The following ARRB1 variants were observed in gnomAD, a reference collection of about 807,000 sequenced individuals.
ARRB1 encodes arrestin beta 1, also known as beta-arrestin-1.
In ARRB1, 21 loss-of-function variants were observed where a neutral mutation model predicts 56.8. The ratio of observed to expected loss-of-function variants is 0.37; its 90% confidence interval spans 0.26 to 0.53. The LOEUF (loss-of-function observed/expected upper bound fraction) is 0.53, where lower values mean the gene tolerates loss of function less well. Ranked by LOEUF, ARRB1 falls within the 20% of genes least tolerant of loss-of-function variation. ARRB1 has a pLI of 0.88. For missense variants in ARRB1, 424 were observed against 553.7 expected (o/e 0.77, Z 2.35); for synonymous variants, 210 against 218.6 (o/e 0.96, Z 0.35).
At chr11:75,271,557 T>C in intron 13 of ARRB1, 144 bp downstream of exon 13, 1 of 875,168 alleles carries the variant, frequency 1.1e-6, no homozygotes, top group Non-Finnish European at 1.7e-6. Context: ...AAATTGTGTC[T>C]CCCAGCTCAC....
rs1451411426 is a variant in ARRB1 at position 75,290,043 on chromosome 11, T to C, written c.21-4A>G. ...TGGACTGGCCTTCTTGAACACTCTG[T>C]GGAGAGAAAGAGAGGTCAGGCCAGG... On this transcript the variant is annotated splice_region_variant and splice_polypyrimidine_tract_variant and intron_variant, in intron 1 of 15. Transcript: ENST00000420843. 2 of 1,614,102 alleles carry C rather than the reference T, an allele frequency of 1.2e-6. No individual in the cohort carries two copies. The highest frequency in any genetic ancestry group is 2.2e-5 in the East Asian group (1 of 44,870).
intron 1 of ARRB1, among the ~76,000 whole-genome samples, chr11:75,326,989 G>A (rs1947445641): frequency 6.6e-6 from 1 of 151,332 alleles, no homozygotes; most frequent in African/African-American, 2.4e-5. Context: ...TTACAGGCAT[G>A]AGCCACCATG....
At chr11:75,303,618 CG>C (rs1591950945) in intron 1 of ARRB1, 1 of 456,310 alleles carries the variant, frequency 2.2e-6, no homozygotes, top group East Asian at 6.9e-5. Flanking sequence ...GTACAGGCCC[CG>C]GTGTCGGTGT....
chr11:75,349,352 G>A (rs560563556), intron 1 of ARRB1, among the ~76,000 whole-genome samples: 30 of 152,298 alleles, frequency 2.0e-4, no homozygotes, highest in Non-Finnish European at 2.2e-4. Context: ...GGAAACTAAC[G>A]TCCGGAAAAG....
intron 14 of ARRB1, 110 bp downstream of exon 14, chr11:75,268,776 GACC>G (rs913179495): frequency 1.8e-6 from 2 of 1,139,196 alleles, no homozygotes; most frequent in Non-Finnish European, 2.5e-6. Flanking sequence ...AAGATCTGGG[GACC>G]CGAGAAAAGG....
chr11:75,281,472 C>A, intron 6 of ARRB1: 1 of 421,318 alleles, frequency 2.4e-6, no homozygotes, highest in South Asian at 3.2e-5. Flanking sequence ...GCGCCTACTA[C>A]TGTGTGCACA....
rs74719091 is a variant in ARRB1 at position 75,333,745 on chromosome 11, G to A, written c.20+17843C>T. ...GGTCACAGGCATAACAAGCAGTAGG[G>A]GTGGGATCTGAAACCTAGCCGGACA... On this transcript the variant is annotated intron_variant, in intron 1 of 15. Transcript: ENST00000420843. 2.4e-3 allele frequency among the ~76,000 whole-genome samples: 361 copies of A among 152,264 alleles called. 1 individual carries two copies. In the East Asian group the frequency reaches 0.041, roughly 17 times the overall value.
chr11:75,317,014 C>T (rs538107852), intron 1 of ARRB1, among the ~76,000 whole-genome samples: 469 of 152,128 alleles, frequency 3.1e-3, no homozygotes, highest in Non-Finnish European at 3.6e-3. Flanking sequence ...TGCAGTCAGC[C>T]GAGATCGAGC....
At chr11:75,314,396 G>A (rs1205783379) in intron 1 of ARRB1, among the ~76,000 whole-genome samples, 6 of 152,236 alleles carry the variant, frequency 3.9e-5, no homozygotes, top group Non-Finnish European at 7.3e-5. Flanking sequence ...CAGAAATGCA[G>A]ACCCCAGGAC....
At chr11:75,344,001 G>A (rs1947730944) in intron 1 of ARRB1, among the ~76,000 whole-genome samples, 2 of 152,076 alleles carry the variant, frequency 1.3e-5, no homozygotes, top group South Asian at 4.2e-4. Context: ...ATTTTTAGTA[G>A]AGACAAGGTT....
At position 75,262,545 on chromosome 11, in the gene ARRB1, G is replaced by A. The variant is rs1945819526; in HGVS notation, c.*3618C>T. The A allele has an allele frequency of 6.6e-6, 1 of 152,258 alleles. No individual in the cohort carries two copies. Among genetic ancestry groups the A allele is most frequent in the African/African-American group, 2.4e-5 (1 of 41,454 alleles). The allele number at this position is 152,258 out of a possible 1,614,324, so 9.4% of individuals were successfully genotyped here. A position where few individuals can be genotyped will look rare whatever the true frequency, so the allele number is the denominator to read the frequency against. ...GCTCCTCCTGCAGCAAACTTTCTGT[G>A]TGACCTTGGGCCATCCCTGCAGTGG... is the stretch of plus-strand genomic sequence containing the variant. On this transcript the variant is annotated 3_prime_UTR_variant, in exon 16 of 16. Coordinates refer to ENST00000420843, the MANE Select transcript of ARRB1 (RefSeq NM_004041.5).
At chr11:75,277,168 C>A (rs1382359863) in intron 9 of ARRB1, among the ~76,000 whole-genome samples, 196 bp downstream of exon 9, 1 of 152,236 alleles carries the variant, frequency 6.6e-6, no homozygotes, top group Admixed American at 6.5e-5. Context: ...GCTTAAAGAG[C>A]AAACTCATTA....
intron 7 of ARRB1, 92 bp from the exon 8 acceptor site, chr11:75,278,836 A>T: frequency 1.3e-6 from 2 of 1,495,130 alleles, no homozygotes; most frequent in Non-Finnish European, 1.8e-6. Context: ...TGCTCAAGAG[A>T]CTGGCATGGC....
In ARRB1 at chr11:75,274,066, G is replaced by A. The variant is rs1368370610; in HGVS notation, c.914+8C>T. ...TAGGAGCCCAGGGCTAGGAGGGCAG[G>A]TCCTCACAGGGTGCTAGAGGCCAAG... On this transcript the variant is annotated splice_region_variant and intron_variant, in intron 11 of 15. Transcript: ENST00000420843. The A allele has an allele frequency of 5.6e-6, 9 of 1,614,020 alleles. No individual in the cohort carries two copies. The highest frequency in any genetic ancestry group is 7.6e-6 in the Non-Finnish European group (9 of 1,179,982).
chr11:75,278,691 C>A lies in ARRB1; in HGVS notation c.536G>T (p.Gly179Val). The change falls in exon 8 of 16, where the codon GGC becomes GTC. Residue 179 changes from glycine (G) to valine (V), a missense_variant. Physicochemically the swap from Gly to Val is moderately radical, Grantham distance 109. Around this residue, in one of 3 missense-constraint regions of ARRB1, gnomAD observed 301 missense variants for 387.9 expected, o/e 0.78. Transcript: ENST00000420843. Reference sequence around the variant, plus strand: ...GGTGGTCTCGGCTGTGGGCTGGGGGCCAGGCCTCTCTGGGGCATACTGAAC... The same window carrying A: ...GGTGGTCTCGGCTGTGGGCTGGGGGACAGGCCTCTCTGGGGCATACTGAAC... ...RKVQYAPERP[G>V]PQPTAETTRQ... The A allele has an allele frequency of 6.2e-7, 1 of 1,614,076 alleles. No homozygotes were observed. The highest frequency in any genetic ancestry group is 8.5e-7 in the Non-Finnish European group (1 of 1,179,968).
chr11:75,321,281 A>T (rs1438073655), intron 1 of ARRB1, among the ~76,000 whole-genome samples: 1 of 19,030 alleles, frequency 5.3e-5, no homozygotes, highest in African/African-American at 2.0e-4. Context: ...CCCCACCACC[A>T]TCCCCCCACC....
intron 3 of ARRB1, 52 bp from the exon 4 acceptor site, chr11:75,284,331 C>T (rs1946424742): frequency 2.0e-6 from 3 of 1,533,142 alleles, no homozygotes; most frequent in Non-Finnish European, 2.7e-6. Context: ...TCTCCCAAAC[C>T]TCTGTGCCCC....
chr11:75,303,524 A>G (rs529704947), intron 1 of ARRB1: 1 of 454,254 alleles, frequency 2.2e-6, no homozygotes, highest in South Asian at 1.6e-5. Context: ...GCTTCCTTCC[A>G]TTCGTCTTTC....
At chr11:75,334,478 G>C (rs1039987595) in intron 1 of ARRB1, among the ~76,000 whole-genome samples, 18 of 152,254 alleles carry the variant, frequency 1.2e-4, no homozygotes, top group African/African-American at 4.3e-4. Flanking sequence ...AGGTTAATTT[G>C]ACAGACAGCA....
Sources: gnomAD v4.1 joint callset for allele counts (sites outside exome capture counted in the v4.1 genomes callset) on GRCh38, gnomAD v4.1.1 for gene constraint, gnomAD v4.1.1 regional missense constraint, MANE v1.5 for transcripts, NCBI Gene and HGNC (gene_info 2026-07-23, HGNC 2026-07-21) for gene names.